Variants in GALNTL6 observed in about 807,000 individuals in gnomAD.
The protein encoded by GALNTL6 is polypeptide N-acetylgalactosaminyltransferase-like 6.
In GALNTL6, 46 loss-of-function variants were observed where a neutral mutation model predicts 73.7. The ratio of observed to expected loss-of-function variants is 0.62; its 90% CI spans 0.49 to 0.80. The LOEUF is 0.80. Ranked by LOEUF, GALNTL6 falls within the 30% of genes least tolerant of loss-of-function variation. GALNTL6 has a pLI of 0.00. For missense variants in GALNTL6, 604 were observed against 755.0 expected (o/e 0.80, Z 2.34); for synonymous variants, 259 against 263.7 (o/e 0.98, Z 0.17).
At chr4:172,727,821 TC>T (rs1735907783) in intron 5 of GALNTL6, among the ~76,000 whole-genome samples, 1 of 151,986 alleles carries the variant, frequency 6.6e-6, no homozygotes, top group Non-Finnish European at 1.5e-5. Flanking sequence ...TAAATATTTT[TC>T]TTTTTAATAT....
At chr4:172,683,653 T>C (rs968510630) in intron 5 of GALNTL6, among the ~76,000 whole-genome samples, 1 of 152,162 alleles carries the variant, frequency 6.6e-6, no homozygotes, top group African/African-American at 2.4e-5. Context: ...GCTAACGATA[T>C]TGCAGTCAGA....
intron 8 of GALNTL6, among the ~76,000 whole-genome samples, chr4:172,898,552 A>T (rs1204561902): frequency 6.6e-6 from 1 of 152,106 alleles, no homozygotes; most frequent in Non-Finnish European, 1.5e-5. Context: ...AACATTTCCC[A>T]TACAGAAATC....
At chr4:171,965,693 A>T (rs899517602) in intron 2 of GALNTL6, among the ~76,000 whole-genome samples, 8 of 149,880 alleles carry the variant, frequency 5.3e-5, no homozygotes, top group African/African-American at 2.0e-4. Flanking sequence ...AGTCAATGGG[A>T]TAATACCATA....
chr4:172,063,979 A>G, intron 2 of GALNTL6, among the ~76,000 whole-genome samples: 1 of 152,186 alleles, frequency 6.6e-6, no homozygotes, highest in East Asian at 1.9e-4. Flanking sequence ...GTGGCCCACT[A>G]TCCAAATCCT....
intron 3 of GALNTL6, among the ~76,000 whole-genome samples, chr4:172,235,704 T>C (rs1560983245): frequency 6.6e-6 from 1 of 152,178 alleles, no homozygotes; most frequent in Non-Finnish European, 1.5e-5. Context: ...GTATATTGCA[T>C]GATGCTGAGG....
intron 5 of GALNTL6, among the ~76,000 whole-genome samples, chr4:172,481,688 C>T (rs1733485637): frequency 6.6e-6 from 1 of 152,132 alleles, no homozygotes; most frequent in South Asian, 2.1e-4. Context: ...ACTAGATTAG[C>T]TAGAGGCAGA....
chr4:173,027,502 G>A (rs1753281233), intron 12 of GALNTL6, among the ~76,000 whole-genome samples: 1 of 152,174 alleles, frequency 6.6e-6, no homozygotes, highest in Non-Finnish European at 1.5e-5. Context: ...TTTTTACCAT[G>A]TAACTAAATA....
At chr4:171,966,404 G>A (rs1739382266) in intron 2 of GALNTL6, among the ~76,000 whole-genome samples, 1 of 152,128 alleles carries the variant, frequency 6.6e-6, no homozygotes, top group South Asian at 2.1e-4. Context: ...GCCGCAGACA[G>A]GCCATTATAA....
chr4:172,842,771 A>G (rs1743282933), intron 7 of GALNTL6, among the ~76,000 whole-genome samples: 1 of 151,524 alleles, frequency 6.6e-6, no homozygotes, highest in Admixed American at 6.6e-5. Context: ...TTTTAATGGC[A>G]GTGAAATTAC....
At chr4:171,995,243 C>T (rs905754663) in intron 2 of GALNTL6, among the ~76,000 whole-genome samples, 2 of 151,766 alleles carry the variant, frequency 1.3e-5, no homozygotes, top group Non-Finnish European at 2.9e-5. Context: ...AGAGAGGTTG[C>T]CTAAATTTGA....
chr4:172,721,083 A>G (rs1397340879), intron 5 of GALNTL6, among the ~76,000 whole-genome samples: 1 of 152,240 alleles, frequency 6.6e-6, no homozygotes, highest in Non-Finnish European at 1.5e-5. Flanking sequence ...CAGTAATAGA[A>G]GTGCATAAAA....
At chr4:172,842,764 T>A (rs1323463196) in intron 7 of GALNTL6, among the ~76,000 whole-genome samples, 2 of 151,388 alleles carry the variant, frequency 1.3e-5, no homozygotes, top group East Asian at 2.0e-4. Context: ...TTTTTTTTTT[T>A]AATGGCAGTG....
intron 5 of GALNTL6, among the ~76,000 whole-genome samples, chr4:172,480,413 C>T (rs1412252358): frequency 6.6e-6 from 1 of 152,090 alleles, no homozygotes; most frequent in Non-Finnish European, 1.5e-5. Context: ...AAAGCTATTG[C>T]TCATTTTAAA....
At chr4:172,084,245 T>A (rs1006099351) in intron 2 of GALNTL6, among the ~76,000 whole-genome samples, 2 of 152,184 alleles carry the variant, frequency 1.3e-5, no homozygotes, top group Non-Finnish European at 2.9e-5. Flanking sequence ...TGAACTAGGT[T>A]TGCAGTAGGT....
chr4:172,527,092 C>T (rs1292720322), intron 5 of GALNTL6, among the ~76,000 whole-genome samples: 1 of 152,148 alleles, frequency 6.6e-6, no homozygotes, highest in Non-Finnish European at 1.5e-5. Flanking sequence ...AGTATAACCA[C>T]AGATCTGGAG....
intron 2 of GALNTL6, among the ~76,000 whole-genome samples, chr4:171,819,044 C>T (rs778781774): frequency 4.0e-5 from 6 of 151,550 alleles, no homozygotes; most frequent in Non-Finnish European, 8.8e-5. Context: ...AAATTTATGT[C>T]TGTGTTCCTT....
At chr4:172,181,236 T>G (rs1190868508) in intron 2 of GALNTL6, among the ~76,000 whole-genome samples, 1 of 152,124 alleles carries the variant, frequency 6.6e-6, no homozygotes, top group African/African-American at 2.4e-5. Context: ...ACTGGTAAAC[T>G]GAATCCAGCA....
At chr4:172,591,027 G>A (rs1737616259) in intron 5 of GALNTL6, among the ~76,000 whole-genome samples, 1 of 152,048 alleles carries the variant, frequency 6.6e-6, no homozygotes, top group African/African-American at 2.4e-5. Flanking sequence ...TGGCTTATAG[G>A]AACAACTAAC....
intron 2 of GALNTL6, among the ~76,000 whole-genome samples, chr4:172,007,586 C>T (rs943994201): frequency 6.6e-6 from 1 of 151,992 alleles, no homozygotes; most frequent in East Asian, 1.9e-4. Context: ...AATTAACAAC[C>T]TAATTAAAAA....
Sources: gnomAD v4.1 joint callset for allele counts (sites outside exome capture counted in the v4.1 genomes callset) on GRCh38, gnomAD v4.1.1 for gene constraint, MANE v1.5 for transcripts, NCBI Gene and HGNC (gene_info 2026-07-23, HGNC 2026-07-21) for gene names.